KIDINS220: variants seen among roughly 807,000 people sequenced by gnomAD.
The protein encoded by KIDINS220 is kinase D interacting substrate 220, also known as kinase D-interacting substrate of 220 kDa.
KIDINS220 carries 63 observed loss-of-function variants against 157.6 expected under a neutral mutation model. The ratio of observed to expected loss-of-function variants is 0.40; its 90% CI spans 0.33 to 0.49. The LOEUF (loss-of-function observed/expected upper bound fraction) is 0.49, where lower values mean the gene tolerates loss of function less well. Ranked by LOEUF, KIDINS220 falls within the 20% of genes least tolerant of loss-of-function variation. The probability of loss-of-function intolerance (pLI) is 0.66; values close to 1 mark genes in which losing one functional copy is unlikely to be tolerated. For synonymous variants in KIDINS220, 732 were observed against 783.6 expected, an observed-to-expected ratio of 0.93 and a Z score of 1.10; for missense variants, 1,772 against 2,171.2, an observed-to-expected ratio of 0.82 and a Z score of 3.65.
intron 8 of KIDINS220, among the ~76,000 whole-genome samples, chr2:8,802,365 G>A (rs909480383): frequency 6.6e-6 from 1 of 152,082 alleles, no homozygotes; most frequent in African/African-American, 2.4e-5. Flanking sequence ...AAGTGATAGT[G>A]GAATGAAGAC....
downstream of KIDINS220, among the ~76,000 whole-genome samples, chr2:8,727,997 A>G (rs1663515754): frequency 6.6e-6 from 1 of 152,208 alleles, no homozygotes; most frequent in South Asian, 2.1e-4. Flanking sequence ...TTAACATTTG[A>G]TACATTATCA....
intron 26 of KIDINS220, among the ~76,000 whole-genome samples, chr2:8,738,343 G>A (rs1665176727): frequency 6.6e-6 from 1 of 152,164 alleles, no homozygotes; most frequent in African/African-American, 2.4e-5. Flanking sequence ...AAATTAATGG[G>A]CAAAAGTATA....
intron 9 of KIDINS220, among the ~76,000 whole-genome samples, chr2:8,799,828 A>C (rs1674450035): frequency 2.0e-5 from 3 of 152,240 alleles, no homozygotes; most frequent in Non-Finnish European, 1.5e-5. Flanking sequence ...CTAAAGTCTA[A>C]AGCTCTTGAA....
chr2:8,819,377 A>G (rs1677565715), intron 2 of KIDINS220, among the ~76,000 whole-genome samples: 1 of 152,218 alleles, frequency 6.6e-6, no homozygotes, highest in Admixed American at 6.5e-5. Flanking sequence ...ACAGGAGTAC[A>G]GAGACGATGC....
rs373005135 is a variant in KIDINS220 at position 8,802,350 on chromosome 2, C to G, written c.801+580G>C. ...GCACCACCAGAGACAGTGGCTTCAG[C>G]TGGGAAGTGATAGTGGAATGAAGAC... is the stretch of plus-strand genomic sequence containing the variant. On this transcript the variant is annotated intron_variant, in intron 8 of 29. Transcript: ENST00000256707. 2.6e-4 allele frequency among the ~76,000 whole-genome samples: 39 copies of G among 152,178 alleles called. 1 individual carries two copies. The East Asian group carries it at 5.2e-3, about 20-fold the overall frequency.
At chr2:8,812,105 G>A (rs532281475) in intron 6 of KIDINS220, among the ~76,000 whole-genome samples, 2 of 152,300 alleles carry the variant, frequency 1.3e-5, no homozygotes, top group Admixed American at 1.3e-4. Context: ...CTGAATGTAG[G>A]AAGGAGAGTT....
In KIDINS220 at chr2:8,778,632, A is replaced by G. The variant is rs368450887; in HGVS notation, c.2703+7T>C. 8 of 1,598,646 alleles carry G rather than the reference A, an allele frequency of 5.0e-6. No homozygotes were observed. The highest frequency in any genetic ancestry group is 1.7e-4 in the Middle Eastern group (1 of 6,058). ...AAACATACAGCTCGAAGCCAATGGC[A>G]TCTTACCCGTCTATTGAGGGCTGTC... On this transcript the variant is annotated splice_region_variant and intron_variant, in intron 20 of 29. Transcript: ENST00000256707.
chr2:8,743,917 A>AT (rs776171324), intron 26 of KIDINS220, among the ~76,000 whole-genome samples: 322 of 152,108 alleles, frequency 2.1e-3, no homozygotes, highest in Non-Finnish European at 2.5e-3. Flanking sequence ...CATGTCTTGC[A>AT]TATAGTACTA....
rs1373846146 is a variant in KIDINS220, at chr2:8,788,878, G to C, written c.1622-66C>G. ...TAGTCAAGCAGATCTTTTCTCCAAA[G>C]ATCAAGTATCAAGTAATGAGAGCTA... On this transcript the variant is annotated intron_variant, in intron 14 of 29. Coordinates refer to ENST00000256707, the MANE Select transcript of KIDINS220 (RefSeq NM_020738.4). 15 of 1,426,676 alleles carry C rather than the reference G, an allele frequency of 1.1e-5. No individual in the cohort carries two copies. The East Asian group carries it at 3.2e-4, about 30-fold the overall frequency. The allele number at this position is 1,426,676 out of a possible 1,614,324, so 88.4% of individuals were successfully genotyped here.
At position 8,734,646 on chromosome 2, in the gene KIDINS220, A is replaced by G. The variant is rs1664620034; in HGVS notation, c.3816+9T>C. 6.5e-7 allele frequency: 1 copy of G among 1,541,730 alleles called. No homozygotes were observed. Among genetic ancestry groups the G allele is most frequent in the African/African-American group, 1.4e-5 (1 of 73,350 alleles). On this transcript the variant is annotated intron_variant, in intron 28 of 29. Transcript: ENST00000256707. Reference sequence around the variant, plus strand: ...TGTTGTAAACATCACAATGTTACAAATATCTTACTGTGCTTCTGAAAAGGT... The same window carrying G: ...TGTTGTAAACATCACAATGTTACAAGTATCTTACTGTGCTTCTGAAAAGGT...
chr2:8,755,744 C>A (rs1456509970), intron 22 of KIDINS220, among the ~76,000 whole-genome samples: 2 of 152,198 alleles, frequency 1.3e-5, no homozygotes, highest in Admixed American at 6.5e-5. Flanking sequence ...TCTGTCCTTT[C>A]CCCCATCAAA....
At chr2:8,744,768 T>G (rs1339735153) in intron 26 of KIDINS220, among the ~76,000 whole-genome samples, 1 of 152,068 alleles carries the variant, frequency 6.6e-6, no homozygotes. Flanking sequence ...AGCTTTCAAT[T>G]TGGCATTGAA....
At chr2:8,807,093 A>T (rs561775432) in intron 6 of KIDINS220, among the ~76,000 whole-genome samples, 1 of 152,300 alleles carries the variant, frequency 6.6e-6, no homozygotes, top group South Asian at 2.1e-4. Flanking sequence ...TCCTTATCGT[A>T]AGAACAATTC....
chr2:8,794,906 T>C (rs370244562), intron 11 of KIDINS220, among the ~76,000 whole-genome samples: 2 of 152,282 alleles, frequency 1.3e-5, no homozygotes, highest in African/African-American at 4.8e-5. Context: ...TCCTAAAAAA[T>C]GTGGTAGCAT....
chr2:8,795,626 T>C (rs1430168826), intron 11 of KIDINS220, among the ~76,000 whole-genome samples: 1 of 152,250 alleles, frequency 6.6e-6, no homozygotes, highest in Non-Finnish European at 1.5e-5. Flanking sequence ...GCAACTATCA[T>C]GTGTATTTGT....
Position 8,729,162 on chromosome 2 carries a change from T to C in KIDINS220, c.*1558A>G. ...TAATGTCAATAACATCCTGCCTTTT[T>C]AAAATTGCTTAAAACATTTGTTAAA... On this transcript the variant is annotated 3_prime_UTR_variant, in exon 30 of 30. Transcript: ENST00000256707. 1 of 983,786 alleles carries C rather than the reference T, an allele frequency of 1.0e-6. No individual in the cohort carries two copies. Among genetic ancestry groups the C allele is most frequent in the Non-Finnish European group, 1.2e-6 (1 of 828,048 alleles). 60.9% of individuals were successfully genotyped at this position (983,786 alleles called of 1,614,324 possible).
chr2:8,837,274 G>C (rs1680558278), intron 1 of KIDINS220, among the ~76,000 whole-genome samples: 2 of 152,034 alleles, frequency 1.3e-5, no homozygotes, highest in African/African-American at 4.8e-5. Flanking sequence ...CAGGAAACGC[G>C]GACTCGCCCC....
intron 17 of KIDINS220, among the ~76,000 whole-genome samples, chr2:8,783,318 TAGAG>T (rs1247994873): frequency 2.6e-5 from 4 of 151,536 alleles, no homozygotes; most frequent in Non-Finnish European, 5.9e-5. Context: ...AAACTAGAAA[TAGAG>T]AGGAACTTCT....
intron 22 of KIDINS220, among the ~76,000 whole-genome samples, chr2:8,761,013 G>A (rs1209765126): frequency 6.6e-6 from 1 of 152,126 alleles, no homozygotes; most frequent in Non-Finnish European, 1.5e-5. Flanking sequence ...GACTCCATGT[G>A]AAAATAGTGT....
Sources: gnomAD v4.1 joint callset for allele counts (sites outside exome capture counted in the v4.1 genomes callset) on GRCh38, gnomAD v4.1.1 for gene constraint, MANE v1.5 for transcripts, NCBI Gene and HGNC (gene_info 2026-07-23, HGNC 2026-07-21) for gene names.